Variants in GRIK1 observed in about 807,000 individuals in gnomAD.
GRIK1 encodes glutamate ionotropic receptor kainate type subunit 1, also known as glutamate receptor ionotropic, kainate 1.
Under a neutral mutation model 105.7 loss-of-function variants are expected in GRIK1, and 69 were observed. The ratio of observed to expected loss-of-function variants is 0.65; its 90% CI spans 0.54 to 0.80. The LOEUF (loss-of-function observed/expected upper bound fraction) is 0.80, where lower values mean the gene tolerates loss of function less well. Among genes scored for constraint, GRIK1 ranks in the 30% least tolerant of loss-of-function variants. The pLI is 0.00. For missense variants in GRIK1, 1,109 were observed against 1,167.3 expected (o/e 0.95, Z 0.73); for synonymous variants, 438 against 431.3 (o/e 1.02, Z -0.19).
intron 1 of GRIK1, among the ~76,000 whole-genome samples, chr21:29,754,907 T>A (rs1472836223): frequency 6.6e-6 from 1 of 152,162 alleles, no homozygotes; most frequent in Non-Finnish European, 1.5e-5. Flanking sequence ...ACTTATCTAG[T>A]CTCCACAGTC....
chr21:29,589,346 G>A (rs3026028), intron 10 of GRIK1, among the ~76,000 whole-genome samples: 4,927 of 151,898 alleles, frequency 0.032, 123 homozygotes, highest in Non-Finnish European at 0.049. Flanking sequence ...GAAGGAAGGC[G>A]CAAAGGGAAA....
intron 3 of GRIK1, among the ~76,000 whole-genome samples, chr21:29,681,826 A>C (rs2063383598): frequency 6.6e-6 from 1 of 152,240 alleles, no homozygotes; most frequent in South Asian, 2.1e-4. Flanking sequence ...TGGCATATCC[A>C]ATAAATATTT....
intron 1 of GRIK1, among the ~76,000 whole-genome samples, chr21:29,895,048 C>G (rs79114888): frequency 6.6e-6 from 1 of 152,092 alleles, no homozygotes; most frequent in African/African-American, 2.4e-5. Flanking sequence ...AGAATTGATA[C>G]GGATCTAATA....
chr21:29,640,562 C>A (rs975778430), intron 7 of GRIK1, among the ~76,000 whole-genome samples: 1 of 152,028 alleles, frequency 6.6e-6, no homozygotes, highest in South Asian at 2.1e-4. Flanking sequence ...ATATAAAATG[C>A]CTTCTTATTT....
intron 1 of GRIK1, among the ~76,000 whole-genome samples, chr21:29,739,393 CAGA>C (rs1039999550): frequency 2.0e-5 from 3 of 152,126 alleles, no homozygotes; most frequent in African/African-American, 7.2e-5. Flanking sequence ...TGCAAAATTA[CAGA>C]AGTAGAGACA....
At chr21:29,832,361 GTA>G (rs1001826854) in intron 1 of GRIK1, among the ~76,000 whole-genome samples, 3 of 152,200 alleles carry the variant, frequency 2.0e-5, no homozygotes, top group African/African-American at 7.2e-5. Context: ...GGGACTCTGT[GTA>G]TGGGCTGCAA....
At chr21:29,765,977 G>A (rs904722942) in intron 1 of GRIK1, among the ~76,000 whole-genome samples, 75 of 151,672 alleles carry the variant, frequency 4.9e-4, no homozygotes, top group African/African-American at 1.7e-3. Context: ...TCAGCCTCCC[G>A]AGTAGCTGGG....
At position 29,587,376 on chromosome 21, in the gene GRIK1, CAA is replaced by C. The variant is rs1288875009; in HGVS notation, c.1781_1782del (p.Phe594CysfsTer12). ...GATTCTCAAACTTACCTTGCAATCA[CAA>C]AGAGTACACAGCTGACTCCCAAGCA... ...LACLGVSCVL[F>X]VIARFTPYEW... On this transcript the variant is annotated frameshift_variant, in exon 12 of 18. Coordinates refer to ENST00000327783, the MANE Select transcript of GRIK1 (RefSeq NM_001330994.2). LOFTEE classifies it high-confidence loss of function. The C allele has an allele frequency of 6.2e-7, 1 of 1,604,140 alleles. No homozygotes were observed. Among genetic ancestry groups the C allele is most frequent in the South Asian group, 1.1e-5 (1 of 90,850 alleles).
intron 2 of GRIK1, among the ~76,000 whole-genome samples, chr21:29,693,512 T>C (rs1473057649): frequency 1.3e-5 from 2 of 152,192 alleles, no homozygotes; most frequent in East Asian, 1.9e-4. Flanking sequence ...GAGTTATGTG[T>C]GTCCTGGGCA....
At position 29,555,239 on chromosome 21, in the gene GRIK1, T is replaced by C; in HGVS notation, c.2420A>G (p.His807Arg). 1 of 1,613,782 alleles carries C rather than the reference T, an allele frequency of 6.2e-7. No homozygotes were observed. ...ACGCCACCACTTCTCTTTCATCATA[T>C]GCAGCTTCCCTTCTTCTTGGAGTTG... is the stretch of plus-strand genomic sequence containing the variant. Reference protein sequence around the residue: ...ILQLQEEGKLHMMKEKWWRGN... With the variant: ...ILQLQEEGKLRMMKEKWWRGN... Residue 807 changes from histidine to arginine, a missense_variant, in exon 16 of 18, where the codon CAT becomes CGT. His to Arg is a conservative substitution (Grantham distance 29). Around this residue, in one of 5 missense-constraint regions of GRIK1, gnomAD observed 18 missense variants for 42.8 expected, o/e 0.42. Transcript: ENST00000327783.
intron 1 of GRIK1, among the ~76,000 whole-genome samples, chr21:29,826,913 A>G (rs1378176371): frequency 6.6e-6 from 1 of 152,126 alleles, no homozygotes; most frequent in Non-Finnish European, 1.5e-5. Context: ...CAACAAATTC[A>G]AAGTCTTCTA....
intron 1 of GRIK1, among the ~76,000 whole-genome samples, chr21:29,700,602 C>CT (rs890489477): frequency 3.3e-5 from 5 of 151,156 alleles, no homozygotes; most frequent in African/African-American, 9.7e-5. Flanking sequence ...CACTGATTGA[C>CT]TTTTTTTTTA....
chr21:29,538,887 A>C (rs537380588), intron 16 of GRIK1, among the ~76,000 whole-genome samples: 1 of 152,168 alleles, frequency 6.6e-6, no homozygotes, highest in South Asian at 2.1e-4. Flanking sequence ...CTATTTTTAA[A>C]TTTTTTCTAC....
chr21:29,840,420 C>A (rs1443465875), intron 1 of GRIK1, among the ~76,000 whole-genome samples: 1 of 151,994 alleles, frequency 6.6e-6, no homozygotes, highest in Non-Finnish European at 1.5e-5. Flanking sequence ...CTATAAATAG[C>A]TTTGTCTTTC....
At chr21:29,719,363 G>T (rs1174945291) in intron 1 of GRIK1, among the ~76,000 whole-genome samples, 1 of 151,812 alleles carries the variant, frequency 6.6e-6, no homozygotes, top group African/African-American at 2.4e-5. Flanking sequence ...AATTGTAAAA[G>T]CAATTGATAA....
intron 1 of GRIK1, among the ~76,000 whole-genome samples, chr21:29,853,774 A>G (rs1281139283): frequency 1.3e-5 from 2 of 152,164 alleles, no homozygotes; most frequent in East Asian, 3.9e-4. Context: ...ACAGACCAAA[A>G]CCCCTGCTTT....
At chr21:29,637,215 G>T (rs2062414252) in intron 7 of GRIK1, among the ~76,000 whole-genome samples, 1 of 152,194 alleles carries the variant, frequency 6.6e-6, no homozygotes, top group Non-Finnish European at 1.5e-5. Context: ...TAAGATCTCT[G>T]ATTCCCGGTT....
At chr21:29,670,618 G>C (rs2063145202) in intron 4 of GRIK1, among the ~76,000 whole-genome samples, 1 of 152,182 alleles carries the variant, frequency 6.6e-6, no homozygotes, top group South Asian at 2.1e-4. Context: ...ATCTAGCAAA[G>C]AGAAGTCTCA....
chr21:29,692,666 C>T (rs915707757), intron 2 of GRIK1, among the ~76,000 whole-genome samples: 6 of 152,156 alleles, frequency 3.9e-5, no homozygotes, highest in East Asian at 1.9e-4. Context: ...CTCTACTTCC[C>T]GGGTTCACAC....
Sources: gnomAD v4.1 joint callset for allele counts (sites outside exome capture counted in the v4.1 genomes callset) on GRCh38, gnomAD v4.1.1 for gene constraint, gnomAD v4.1.1 regional missense constraint, MANE v1.5 for transcripts, NCBI Gene and HGNC (gene_info 2026-07-23, HGNC 2026-07-21) for gene names.